The following RALYL variants were observed in gnomAD, a reference collection of about 807,000 sequenced individuals.
RALYL encodes the protein RALY RNA binding protein like.
Under a neutral mutation model 35.1 loss-of-function variants are expected in RALYL, and 29 were observed. That is an observed-to-expected ratio of 0.83 (90% CI 0.61 to 1.13). The LOEUF is 1.13. Among genes scored for constraint, RALYL ranks in the 50% most tolerant of loss-of-function variants. The probability of loss-of-function intolerance (pLI) is 0.00; values close to 1 mark genes in which losing one functional copy is unlikely to be tolerated. For synonymous variants in RALYL, 120 were observed against 127.6 expected (o/e 0.94, Z 0.40); for missense variants, 359 against 360.4 (o/e 1.00, Z 0.03).
chr8:84,235,004 C>G (rs1826195349), intron 1 of RALYL, among the ~76,000 whole-genome samples: 1 of 152,050 alleles, frequency 6.6e-6, no homozygotes, highest in Non-Finnish European at 1.5e-5. Context: ...ACCTTGTGAT[C>G]TGCCCGCCTC....
intron 3 of RALYL, among the ~76,000 whole-genome samples, chr8:84,801,957 C>T (rs1403092926): frequency 6.6e-6 from 1 of 151,936 alleles, no homozygotes; most frequent in African/African-American, 2.4e-5. Flanking sequence ...AAATAAATAA[C>T]TTGATATGTA....
intron 4 of RALYL, among the ~76,000 whole-genome samples, chr8:84,819,420 C>G (rs1045626979): frequency 2.0e-5 from 3 of 152,176 alleles, no homozygotes; most frequent in African/African-American, 7.2e-5. Context: ...CTGTACTTGT[C>G]AAAATCATTT....
intron 1 of RALYL, among the ~76,000 whole-genome samples, chr8:84,432,795 A>T (rs1158027628): frequency 6.6e-6 from 1 of 152,064 alleles, no homozygotes. Context: ...AATAACAAAG[A>T]TGACCAGCCT....
intron 8 of RALYL, among the ~76,000 whole-genome samples, chr8:84,910,354 A>G (rs1468672892): frequency 2.0e-5 from 3 of 152,120 alleles, no homozygotes; most frequent in Non-Finnish European, 4.4e-5. Flanking sequence ...TAGTCATACT[A>G]TCAAAGTCTT....
At chr8:84,278,468 G>A (rs118072925) in intron 1 of RALYL, among the ~76,000 whole-genome samples, 2,944 of 152,278 alleles carry the variant, frequency 0.019, 44 homozygotes, top group South Asian at 0.031. Flanking sequence ...TTGGTTCCTC[G>A]TTAATTATGC....
chr8:84,408,763 T>A (rs1234766731), intron 1 of RALYL, among the ~76,000 whole-genome samples: 3 of 152,168 alleles, frequency 2.0e-5, no homozygotes, highest in Non-Finnish European at 4.4e-5. Flanking sequence ...GAGGCAGGGT[T>A]ATCAGATAAA....
chr8:84,686,529 T>G (rs1836831022), intron 2 of RALYL, among the ~76,000 whole-genome samples: 2 of 152,078 alleles, frequency 1.3e-5, no homozygotes, highest in African/African-American at 4.8e-5. Flanking sequence ...CTCAGCCTCC[T>G]GAGTGTTTGG....
At chr8:84,746,329 A>G (rs1275864486) in intron 2 of RALYL, among the ~76,000 whole-genome samples, 17 of 152,038 alleles carry the variant, frequency 1.1e-4, no homozygotes, top group Non-Finnish European at 2.5e-4. Context: ...AAAAATATAA[A>G]CATTGAAAAA....
chr8:84,900,362 C>T (rs7830229), intron 8 of RALYL, among the ~76,000 whole-genome samples: 70,564 of 151,884 alleles, frequency 0.46, 19,411 homozygotes, highest in African/African-American at 0.76. Flanking sequence ...GTTAGAAAAA[C>T]AAAACAATTC....
intron 1 of RALYL, among the ~76,000 whole-genome samples, chr8:84,503,588 C>A (rs1460239902): frequency 6.6e-6 from 1 of 152,112 alleles, no homozygotes; most frequent in Non-Finnish European, 1.5e-5. Context: ...TGGTGGCTCA[C>A]ACCTGTAATC....
At chr8:84,393,095 A>G (rs1020249682) in intron 1 of RALYL, among the ~76,000 whole-genome samples, 6 of 152,030 alleles carry the variant, frequency 3.9e-5, no homozygotes, top group African/African-American at 1.2e-4. Flanking sequence ...AACACCACAC[A>G]TTTCTCATCT....
At chr8:84,872,115 G>C (rs6473566) in intron 6 of RALYL, among the ~76,000 whole-genome samples, 69,219 of 151,926 alleles carry the variant, frequency 0.46, 18,680 homozygotes, top group African/African-American at 0.74. Flanking sequence ...CTTGGCTCTT[G>C]AATGAGGTGT....
intron 1 of RALYL, among the ~76,000 whole-genome samples, chr8:84,363,225 C>T (rs766217751): frequency 1.3e-5 from 2 of 152,170 alleles, no homozygotes; most frequent in African/African-American, 4.8e-5. Context: ...AACTGGAAGC[C>T]ATGTCTGTGT....
intron 1 of RALYL, among the ~76,000 whole-genome samples, chr8:84,246,227 T>C (rs976005677): frequency 1.3e-5 from 2 of 152,154 alleles, no homozygotes; most frequent in Non-Finnish European, 2.9e-5. Flanking sequence ...CTCTCTTTCC[T>C]TCCCTTTATT....
At chr8:84,302,693 GA>G (rs1456342641) in intron 1 of RALYL, among the ~76,000 whole-genome samples, 2 of 152,262 alleles carry the variant, frequency 1.3e-5, no homozygotes, top group African/African-American at 4.8e-5. Flanking sequence ...GCATTTTTAT[GA>G]AGATACCTGC....
intron 2 of RALYL, among the ~76,000 whole-genome samples, chr8:84,543,641 A>G (rs117250291): frequency 2.3e-3 from 349 of 152,202 alleles, no homozygotes; most frequent in South Asian, 5.0e-3. Context: ...CATTATCTCA[A>G]TTAATGGTCA....
chr8:84,549,332 AC>A (rs1427917911), intron 2 of RALYL, among the ~76,000 whole-genome samples: 10 of 152,120 alleles, frequency 6.6e-5, no homozygotes, highest in African/African-American at 2.4e-4. Flanking sequence ...AAACAATGCC[AC>A]CCCCTTCCAA....
intron 2 of RALYL, among the ~76,000 whole-genome samples, chr8:84,558,107 A>G (rs975428408): frequency 2.6e-5 from 4 of 152,168 alleles, no homozygotes; most frequent in African/African-American, 9.6e-5. Context: ...TAAAGAAGCT[A>G]TACTTAGTTT....
intron 6 of RALYL, among the ~76,000 whole-genome samples, chr8:84,868,660 T>C (rs1839625557): frequency 6.6e-6 from 1 of 152,238 alleles, no homozygotes; most frequent in African/African-American, 2.4e-5. Context: ...AGGCATTTAA[T>C]GAATACTTAC....
Sources: gnomAD v4.1 joint callset for allele counts (sites outside exome capture counted in the v4.1 genomes callset) on GRCh38, gnomAD v4.1.1 for gene constraint, MANE v1.5 for transcripts, NCBI Gene and HGNC (gene_info 2026-07-23, HGNC 2026-07-21) for gene names.